The following CSDE1 variants were observed in gnomAD, a reference collection of about 807,000 sequenced individuals.
CSDE1 encodes the protein cold shock domain containing E1.
In CSDE1, 17 loss-of-function variants were observed where a neutral mutation model predicts 89.3. The observed-to-expected ratio is 0.19, with a 90% CI of 0.13 to 0.29. The LOEUF is 0.29. Among genes scored for constraint, CSDE1 ranks in the 10% least tolerant of loss-of-function variants. The pLI is 1.00. For missense variants in CSDE1, 672 were observed against 984.2 expected (o/e 0.68, Z 4.24); for synonymous variants, 322 against 332.8 (o/e 0.97, Z 0.35).
At chr1:114,730,700 C>T (rs1660050255) in intron 10 of CSDE1, 52 bp from the exon 11 acceptor site, 4 of 1,600,280 alleles carry the variant, frequency 2.5e-6, no homozygotes, top group African/African-American at 2.7e-5. Flanking sequence ...AAGAAGGCAA[C>T]ATTCAACTTT....
In CSDE1 at chr1:114,737,863, T is replaced by G. The variant is rs546839587; in HGVS notation, c.309+100A>C. 184 of 837,342 alleles carry G rather than the reference T, an allele frequency of 2.2e-4. No individual in the cohort carries two copies. The highest frequency in any genetic ancestry group is 3.3e-4 in the Admixed American group (17 of 51,690). 51.9% of individuals were successfully genotyped at this position (837,342 alleles called of 1,614,324 possible). A position where few individuals can be genotyped will look rare whatever the true frequency, so the allele number is the denominator to read the frequency against. Reference sequence around the variant, plus strand: ...TAATCTTTATATACTATAGCTCTCTTTCGTGCAAACTGAGGAGATGGGGAG... The same window carrying G: ...TAATCTTTATATACTATAGCTCTCTGTCGTGCAAACTGAGGAGATGGGGAG... On this transcript the variant is annotated intron_variant, in intron 4 of 19. Transcript: ENST00000358528.
intron 2 of CSDE1, among the ~76,000 whole-genome samples, chr1:114,742,376 GT>G (rs1660775878): frequency 6.6e-6 from 1 of 152,196 alleles, no homozygotes; most frequent in South Asian, 2.1e-4. Context: ...GAGGTCAGGA[GT>G]TTGGGACAAG....
At chr1:114,741,279 A>G (rs896369421) in intron 2 of CSDE1, among the ~76,000 whole-genome samples, 1 of 152,208 alleles carries the variant, frequency 6.6e-6, no homozygotes, top group East Asian at 1.9e-4. Flanking sequence ...CTCAGTAGGT[A>G]TGGGGATTTG....
chr1:114,725,133 GAATA>G, intron 15 of CSDE1, 84 bp downstream of exon 15: 2 of 977,006 alleles, frequency 2.0e-6, no homozygotes, highest in South Asian at 2.6e-5. Flanking sequence ...GACTGATGTA[GAATA>G]ATTAGGCCTC....
intron 12 of CSDE1, among the ~76,000 whole-genome samples, chr1:114,728,431 G>A (rs72687880): frequency 0.14 from 21,645 of 152,104 alleles, 2,123 homozygotes; most frequent in Non-Finnish European, 0.21. Context: ...CTGCCCTGAG[G>A]GAGTCCAGTG....
intron 2 of CSDE1, chr1:114,741,442 T>C: frequency 4.7e-6 from 6 of 1,269,948 alleles, no homozygotes; most frequent in Non-Finnish European, 6.3e-6. Context: ...GTCGGCAAGA[T>C]ATTTCAACCA....
At chr1:114,741,786 A>T in intron 2 of CSDE1, 1 of 760,764 alleles carries the variant, frequency 1.3e-6, no homozygotes, top group Non-Finnish European at 1.9e-6. Context: ...TTAGATTTCT[A>T]TTGACAGGAA....
At chr1:114,722,145 A>T (rs1303310868) in intron 16 of CSDE1, among the ~76,000 whole-genome samples, 1 of 152,194 alleles carries the variant, frequency 6.6e-6, no homozygotes, top group African/African-American at 2.4e-5. Flanking sequence ...GGCTTCCCAA[A>T]GTGCTGGGAT....
chr1:114,746,026 A>T (rs1028283744), intron 2 of CSDE1, among the ~76,000 whole-genome samples: 19 of 152,228 alleles, frequency 1.2e-4, no homozygotes, highest in Middle Eastern at 3.4e-3. Context: ...TTTCCCCCCT[A>T]ATCTGGTCTG....
intron 18 of CSDE1, 139 bp downstream of exon 18, chr1:114,719,440 A>G (rs1482817872): frequency 2.2e-6 from 2 of 908,402 alleles, no homozygotes; most frequent in South Asian, 4.4e-5. Context: ...ATCTTTTTGT[A>G]TTCAACTAGA....
intron 1 of CSDE1, among the ~76,000 whole-genome samples, chr1:114,754,174 GCA>G (rs1661464099): frequency 6.6e-6 from 1 of 152,016 alleles, no homozygotes; most frequent in Non-Finnish European, 1.5e-5. Context: ...TGTATTTTTA[GCA>G]CAGATGGGGT....
chr1:114,749,152 T>C (rs1183327837), intron 2 of CSDE1, among the ~76,000 whole-genome samples: 1 of 152,212 alleles, frequency 6.6e-6, no homozygotes, highest in African/African-American at 2.4e-5. Context: ...CAAATATCCC[T>C]TTTCTGTAGG....
intron 2 of CSDE1, among the ~76,000 whole-genome samples, chr1:114,747,618 G>C (rs1661081284): frequency 6.6e-6 from 1 of 152,146 alleles, no homozygotes; most frequent in Non-Finnish European, 1.5e-5. Flanking sequence ...CCAGCACTTT[G>C]GGAGGCCGAG....
intron 3 of CSDE1, among the ~76,000 whole-genome samples, chr1:114,739,320 C>T (rs932325358): frequency 5.9e-5 from 9 of 152,146 alleles, no homozygotes; most frequent in African/African-American, 9.7e-5. Context: ...CGTAAGCCAC[C>T]GCGCCCAGCT....
chr1:114,720,596 A>G lies in CSDE1; in HGVS notation c.1995T>C (p.Thr665=). Residue 665 remains threonine (T), a synonymous_variant, in exon 17 of 20, where the codon ACT becomes ACC. Transcript: ENST00000358528. ...GCAGGGGTGTGATGTTGTAAGCCAT[A>G]GTTTGTGCATTTTGGCCCAGGACAC... The part of the protein sequence containing the change: ...QLCVLGQNAQ[T]MAYNITPLRR... The G allele has an allele frequency of 6.2e-7, 1 of 1,614,154 alleles. No individual in the cohort carries two copies. Among genetic ancestry groups the G allele is most frequent in the Non-Finnish European group, 8.5e-7 (1 of 1,180,016 alleles).
intron 12 of CSDE1, among the ~76,000 whole-genome samples, chr1:114,729,397 C>T (rs920323781): frequency 6.6e-6 from 1 of 151,454 alleles, no homozygotes; most frequent in Non-Finnish European, 1.5e-5. Flanking sequence ...CCGCACCTGA[C>T]AATAAGGTCT....
In CSDE1 at chr1:114,734,436, A is replaced by T; in HGVS notation, c.582+6T>A. ...AAAACTCAAGTTTCTCAAATTTAAC[A>T]CTTACCTTCATGGCACAAACTACTC... is the stretch of plus-strand genomic sequence containing the variant. On this transcript the variant is annotated splice_donor_region_variant and intron_variant, in intron 7 of 19. Coordinates refer to ENST00000358528, the MANE Select transcript of CSDE1 (RefSeq NM_001007553.3). The T allele has an allele frequency of 6.2e-7, 1 of 1,610,738 alleles. No homozygotes were observed.
In CSDE1 at chr1:114,727,112, C is replaced by A. The variant is rs529201174; in HGVS notation, c.1357-22G>T. 8.0e-5 allele frequency: 122 copies of A among 1,526,254 alleles called. No homozygotes were observed. In the African/African-American group the frequency reaches 1.6e-3, roughly 20 times the overall value. 94.5% of individuals were successfully genotyped at this position (1,526,254 alleles called of 1,614,324 possible). On this transcript the variant is annotated intron_variant, in intron 12 of 19. Coordinates refer to ENST00000358528, the MANE Select transcript of CSDE1 (RefSeq NM_001007553.3). ...CCTCCTAAAGAGATACAGTCAAAAA[C>A]AGAATGAAAACAATCTCAAGAACAA...
Position 114,717,035 on chromosome 1 carries a change from C to G in CSDE1, c.*1134G>C, listed in dbSNP as rs1186233786. The G allele has an allele frequency of 6.6e-6, 1 of 152,090 alleles. No individual in the cohort carries two copies. The highest frequency in any genetic ancestry group is 2.4e-5 in the African/African-American group (1 of 41,324). 9.4% of individuals were successfully genotyped at this position (152,090 alleles called of 1,614,324 possible). ...ATAAACGGCCTCTTTACCCAGAGATCAAAACCTCAAACGACAAGGGGGAAG... is the reference window on the plus strand; with the variant it reads ...ATAAACGGCCTCTTTACCCAGAGATGAAAACCTCAAACGACAAGGGGGAAG... On this transcript the variant is annotated 3_prime_UTR_variant, in exon 20 of 20. Transcript: ENST00000358528.
Sources: gnomAD v4.1 joint callset for allele counts (sites outside exome capture counted in the v4.1 genomes callset) on GRCh38, gnomAD v4.1.1 for gene constraint, MANE v1.5 for transcripts, NCBI Gene and HGNC (gene_info 2026-07-23, HGNC 2026-07-21) for gene names.